The following DRC8 variants were observed in gnomAD, a reference collection of about 807,000 sequenced individuals.
DRC8 encodes dynein regulatory complex protein 8.
At chr1:244,973,759 AG>A in the DRC8 span, among the ~76,000 whole-genome samples, 1 of 152,216 alleles carries the variant, frequency 6.6e-6, no homozygotes, top group Admixed American at 6.5e-5. Context: ...AAAGTTCTAA[AG>A]GGGGAATAAG....
At chr1:245,123,448 C>T in the DRC8 span, 1 of 152,998 alleles carries the variant, frequency 6.5e-6, no homozygotes, top group African/African-American at 2.4e-5. This position sits in a 1 kb window ranked among gnomAD's most constrained non-coding sequence, Gnocchi z 5.0. Context: ...GGGGGAAGAG[C>T]AGGTACCTAT....
the DRC8 span, among the ~76,000 whole-genome samples, chr1:245,003,436 A>G: frequency 5.9e-5 from 9 of 152,246 alleles, 1 homozygote; most frequent in Non-Finnish European, 1.0e-4. Flanking sequence ...AGAGAGGTTA[A>G]GTAACTTGCC....
the DRC8 span, among the ~76,000 whole-genome samples, chr1:245,002,923 T>G: frequency 6.6e-6 from 1 of 152,152 alleles, no homozygotes; most frequent in African/African-American, 2.4e-5. Context: ...CACCCCAAAC[T>G]AAAGCTCTGT....
the DRC8 span, among the ~76,000 whole-genome samples, chr1:245,090,458 C>CT: frequency 0.073 from 11,184 of 152,264 alleles, 479 homozygotes; most frequent in African/African-American, 0.095. Flanking sequence ...GTTGACTGTT[C>CT]CCTGCGTTGC....
chr1:245,064,037 T>G, the DRC8 span, among the ~76,000 whole-genome samples: 1 of 152,174 alleles, frequency 6.6e-6, no homozygotes, highest in Non-Finnish European at 1.5e-5. Context: ...TCTCAACTTT[T>G]TTTTAAAAAA....
the DRC8 span, among the ~76,000 whole-genome samples, chr1:245,080,414 G>T: frequency 1.3e-5 from 2 of 152,190 alleles, no homozygotes; most frequent in Non-Finnish European, 2.9e-5. Context: ...GTGGTGGTGT[G>T]ACAAAGTTCT....
chr1:245,020,613 C>CTTTTT, the DRC8 span, among the ~76,000 whole-genome samples: 58 of 59,700 alleles, frequency 9.7e-4, no homozygotes, highest in African/African-American at 2.8e-3. Flanking sequence ...GTTTTTCTTT[C>CTTTTT]TTTTTTTTTT....
chr1:245,018,649 C>T, the DRC8 span, among the ~76,000 whole-genome samples: 2 of 152,010 alleles, frequency 1.3e-5, no homozygotes, highest in African/African-American at 2.4e-5. Context: ...GGGTTCTCCT[C>T]CTGGGGGCGG....
At chr1:245,011,564 G>A in the DRC8 span, among the ~76,000 whole-genome samples, 2 of 152,120 alleles carry the variant, frequency 1.3e-5, no homozygotes, top group Non-Finnish European at 1.5e-5. Context: ...GAAATGCCTG[G>A]GACCTCCAAA....
At chr1:245,091,660 G>A in the DRC8 span, 1 of 152,214 alleles carries the variant, frequency 6.6e-6, no homozygotes, top group Non-Finnish European at 1.5e-5. Context: ...TTTGTGGAAT[G>A]TAATTCATTT....
chr1:244,992,009 C>T, the DRC8 span, among the ~76,000 whole-genome samples: 184 of 152,194 alleles, frequency 1.2e-3, no homozygotes, highest in Admixed American at 2.0e-3. Flanking sequence ...TAGGAAGAGC[C>T]GACAGGGAGC....
At chr1:245,078,160 T>A in the DRC8 span, among the ~76,000 whole-genome samples, 1 of 152,138 alleles carries the variant, frequency 6.6e-6, no homozygotes, top group African/African-American at 2.4e-5. Flanking sequence ...ACCTCACCCC[T>A]ATTGTAATGG....
chr1:245,113,368 A>G, the DRC8 span, among the ~76,000 whole-genome samples: 3 of 152,308 alleles, frequency 2.0e-5, no homozygotes, highest in South Asian at 4.1e-4. Flanking sequence ...GTTGCTGACC[A>G]CAGGCCATGT....
the DRC8 span, among the ~76,000 whole-genome samples, chr1:245,014,697 G>A: frequency 1.2e-4 from 18 of 152,146 alleles, no homozygotes; most frequent in East Asian, 9.6e-4. Flanking sequence ...GAGCAGGATT[G>A]TTCAAATGAG....
chr1:244,987,130 T>A, the DRC8 span, among the ~76,000 whole-genome samples: 1 of 152,154 alleles, frequency 6.6e-6, no homozygotes, highest in Admixed American at 6.6e-5. Context: ...AGATGGTAGC[T>A]GATCAACAAA....
chr1:245,102,780 G>C, the DRC8 span, among the ~76,000 whole-genome samples: 1 of 152,230 alleles, frequency 6.6e-6, no homozygotes, highest in Non-Finnish European at 1.5e-5. Context: ...ATAAAATGTG[G>C]TAAAAGCAAA....
chr1:244,997,447 A>G, the DRC8 span, among the ~76,000 whole-genome samples: 3 of 151,744 alleles, frequency 2.0e-5, no homozygotes, highest in Non-Finnish European at 2.9e-5. Context: ...AGTAAGCTGA[A>G]TCAGTCTACT....
chr1:245,072,621 T>C, the DRC8 span, among the ~76,000 whole-genome samples: 3 of 152,226 alleles, frequency 2.0e-5, no homozygotes, highest in Non-Finnish European at 2.9e-5. Context: ...CCACACCCAT[T>C]GAATGTACAA....
At chr1:244,991,105 CT>C in the DRC8 span, among the ~76,000 whole-genome samples, 1 of 152,184 alleles carries the variant, frequency 6.6e-6, no homozygotes, top group Admixed American at 6.5e-5. Context: ...TTAGATGTGG[CT>C]ACAAATTGGG....
Sources: allele counts gnomAD v4.1 joint callset (sites outside exome capture counted in the v4.1 genomes callset), GRCh38; gene constraint gnomAD v4.1.1; non-coding constraint Gnocchi (gnomAD v3.1); transcripts MANE v1.5; gene names NCBI Gene and HGNC (gene_info 2026-07-23, HGNC 2026-07-21).